Variants in GPR179 observed in about 807,000 individuals in gnomAD.
GPR179 encodes probable G protein-coupled receptor 179.
GPR179 carries 52 observed loss-of-function variants against 70.8 expected under a neutral mutation model. The observed-to-expected ratio is 0.73, with a 90% CI of 0.59 to 0.93. The LOEUF (loss-of-function observed/expected upper bound fraction) is 0.93. GPR179 is among the 40% of genes least tolerant of loss of function. The pLI is 0.00. For synonymous variants in GPR179, 1,123 were observed against 1,169.0 expected (o/e 0.96, Z 0.80); for missense variants, 2,734 against 2,966.8 (o/e 0.92, Z 1.82).
Position 38,334,763 on chromosome 17 carries a change from G to A in GPR179, c.1725C>T (p.Arg575=), listed in dbSNP as rs2037388154. The A allele has an allele frequency of 3.7e-6, 6 of 1,613,820 alleles. No individual in the cohort carries two copies. The highest frequency in any genetic ancestry group is 5.1e-6 in the Non-Finnish European group (6 of 1,179,968). Residue 575 remains arginine (R), a synonymous_variant, in exon 8 of 11, where the codon CGC becomes CGT. Coordinates refer to ENST00000616987, the MANE Select transcript of GPR179 (RefSeq NM_001004334.4). This position sits in a 1 kb window ranked among gnomAD's most constrained non-coding sequence, Gnocchi z 4.7. ...CATTGTGCAGGGCGATGCCCATGTA[G>A]CGTGGCTCATGGAAGGCCGAGAGCA... ...RAVLSAFHEP[R]YMGIALHNEL... is the part of the protein sequence containing the mutation.
intron 9 of GPR179, 27 bp downstream of exon 9, chr17:38,333,906 C>G: frequency 6.4e-7 from 1 of 1,563,926 alleles, no homozygotes; most frequent in Non-Finnish European, 8.8e-7. Flanking sequence ...TGGGGTCCAC[C>G]TCACAGGCAG....
intron 3 of GPR179, 143 bp downstream of exon 3, chr17:38,337,490 C>T (rs1189900592): frequency 1.3e-6 from 1 of 752,568 alleles, no homozygotes; most frequent in Non-Finnish European, 2.2e-6. Context: ...CTGCTTGCCT[C>T]TCCTGCCTCT....
rs75688084 is a variant in GPR179, at chr17:38,343,145, C to T, written c.645G>A (p.Pro215=). 1,799 of 1,614,146 alleles carry T rather than the reference C, an allele frequency of 1.1e-3. 17 individuals are homozygous for T. In the African/African-American group the frequency reaches 0.022, roughly 20 times the overall value. Residue 215 remains proline, a synonymous_variant, in exon 1 of 11, where the codon CCG becomes CCA. Coordinates refer to ENST00000616987, the MANE Select transcript of GPR179 (RefSeq NM_001004334.4). This position sits in a 1 kb window ranked among gnomAD's most constrained non-coding sequence, Gnocchi z 4.2. ...TGTCCCCCACATATCCATCTGCCTG[C>T]GGCCACTTGGGGCTGCCGAGGCTCC... ...DLGSLGSPKW[P]QADGYVGDTQ...
At chr17:38,332,237 C>G (rs763482877) in intron 10 of GPR179, among the ~76,000 whole-genome samples, 5 of 152,048 alleles carry the variant, frequency 3.3e-5, no homozygotes, top group Non-Finnish European at 7.4e-5. Flanking sequence ...GCTTTGTGGG[C>G]CTGTAAACAA....
In GPR179 at chr17:38,326,818, A is replaced by T; in HGVS notation, c.6751T>A (p.Ser2251Thr). ...ICPGEETGVP[S>T]EESGLLALTA... ...AAAGCCAGGAGGCCAGATTCCTCAG[A>T]TGGGACTCCAGTTTCCTCCCCAGGA... is the stretch of plus-strand genomic sequence containing the variant. The change falls in exon 11 of 11, where the codon TCT becomes ACT. Residue 2251 changes from serine to threonine, a missense_variant. Ser to Thr is a moderately conservative substitution (Grantham distance 58). Transcript: ENST00000616987. 1 of 1,614,196 alleles carries T rather than the reference A, an allele frequency of 6.2e-7. No homozygotes were observed. The highest frequency in any genetic ancestry group is 8.5e-7 in the Non-Finnish European group (1 of 1,180,024).
Position 38,329,850 on chromosome 17 carries a change from A to G in GPR179, c.3719T>C (p.Val1240Ala), listed in dbSNP as rs1254031861. ...LQSLGSADHR[V>A]AEVCPWEVTE... is the part of the protein sequence containing the mutation. ...GACCTCCCAGGGGCATACCTCTGCC[A>G]CCCTGTGGTCAGCGCTGCCCAGGGA... Residue 1240 changes from valine (V) to alanine (A), a missense_variant, in exon 11 of 11, where the codon GTG (valine) becomes GCG (alanine). Coordinates refer to ENST00000616987, the MANE Select transcript of GPR179 (RefSeq NM_001004334.4). 3 of 1,613,706 alleles carry G rather than the reference A, an allele frequency of 1.9e-6. No homozygotes were observed. In the African/African-American group the frequency reaches 4.0e-5, roughly 22 times the overall value.
rs1298199819 is a variant in GPR179, at chr17:38,326,918, C to T, written c.6651G>A (p.Arg2217=). 1 of 1,614,068 alleles carries T rather than the reference C, an allele frequency of 6.2e-7. No homozygotes were observed. Among genetic ancestry groups the T allele is most frequent in the Non-Finnish European group, 8.5e-7 (1 of 1,180,046 alleles). ...TTTCCCATTGGCACAGCTCTGCCAT[C>T]CTGCTTCCCATGCTGCCTGCTTCCT... is the stretch of plus-strand genomic sequence containing the variant. The part of the protein sequence containing the change: ...SPKEAGSMGS[R]MAELCQWEIT... Residue 2217 remains arginine (R), a synonymous_variant, in exon 11 of 11, where the codon AGG becomes AGA. Transcript: ENST00000616987.
chr17:38,326,846 G>A lies in GPR179; in HGVS notation c.6723C>T (p.Ile2241=), dbSNP rs750137958. 3.9e-5 allele frequency: 63 copies of A among 1,614,120 alleles called. No homozygotes were observed. The highest frequency in any genetic ancestry group is 4.7e-5 in the Non-Finnish European group (56 of 1,180,046). The change falls in exon 11 of 11, where the codon ATC becomes ATT. Residue 2241 remains isoleucine, a synonymous_variant. Transcript: ENST00000616987. ...GGACTCCAGTTTCCTCCCCAGGACA[G>A]ATGTCTGCCATGGTACCCTTTATTT... is the stretch of plus-strand genomic sequence containing the variant. The part of the protein sequence containing the change: ...GNKIKGTMAD[I]CPGEETGVPS...
rs773688639 is a variant in GPR179 at position 38,330,728 on chromosome 17, G to T, written c.2841C>A (p.Gly947=). 60 of 1,587,498 alleles carry T rather than the reference G, an allele frequency of 3.8e-5. No homozygotes were observed. Among genetic ancestry groups the T allele is most frequent in the Non-Finnish European group, 5.2e-5 (60 of 1,164,618 alleles). Residue 947 remains glycine (G), a synonymous_variant, in exon 11 of 11, where the codon GGC becomes GGA. Transcript: ENST00000616987. ...GAGATAGCATCCTTGGCTCTCCCAG[G>T]CCCCCAGACAGGGCCAAGATGGGGG... The part of the protein sequence containing the change: ...VSTPILALSG[G]LGEPRMLSPT...
chr17:38,330,206 C>G lies in GPR179; in HGVS notation c.3363G>C (p.Glu1121Asp), dbSNP rs2037339601. The change falls in exon 11 of 11, where the codon GAG becomes GAC. Residue 1121 changes from glutamate (E) to aspartate (D), a missense_variant. Glu to Asp is a conservative substitution (Grantham distance 45, BLOSUM62 2). Transcript: ENST00000616987. ...PEGQNSGTAG[E>D]SMGAPSRSPR... Reference sequence around the variant, plus strand: ...GCGATCGGGAGGGTGCCCCCATACTCTCTCCCGCAGTCCCGCTGTTCTGCC... The same window carrying G: ...GCGATCGGGAGGGTGCCCCCATACTGTCTCCCGCAGTCCCGCTGTTCTGCC... 1 of 1,569,616 alleles carries G rather than the reference C, an allele frequency of 6.4e-7. No homozygotes were observed.
In GPR179 at chr17:38,329,916, G is replaced by T. The variant is rs1404190600; in HGVS notation, c.3653C>A (p.Thr1218Asn). 2 of 1,614,236 alleles carry T rather than the reference G, an allele frequency of 1.2e-6. No homozygotes were observed. Among genetic ancestry groups the T allele is most frequent in the Admixed American group, 1.7e-5 (1 of 60,030 alleles). Residue 1218 changes from threonine to asparagine, a missense_variant, in exon 11 of 11, where the codon ACC becomes AAC. Coordinates refer to ENST00000616987, the MANE Select transcript of GPR179 (RefSeq NM_001004334.4). Reference sequence around the variant, plus strand: ...GGGCAGTTCCTGCCACCCGACAGGGGTTTCTTTTGATTGCTTGATGTTTTT... The same window carrying T: ...GGGCAGTTCCTGCCACCCGACAGGGTTTTCTTTTGATTGCTTGATGTTTTT... ...RDKNIKQSKETPVGWQELPKA... is the reference protein window; with the variant it reads ...RDKNIKQSKENPVGWQELPKA...
intron 9 of GPR179, 134 bp from the exon 10 acceptor site, chr17:38,333,531 CT>C: frequency 1.0e-6 from 1 of 967,574 alleles, no homozygotes; most frequent in Non-Finnish European, 1.5e-6. Flanking sequence ...TTCTGGGGAT[CT>C]TTAGAGTTTT....
rs2144270838 is a variant in GPR179 at position 38,335,618 on chromosome 17, T to C, written c.1379A>G (p.Tyr460Cys). Reference sequence around the variant, plus strand: ...GTAAAGCTTGAGTATGATGGTGCCGTAGACGATGGCAAAACCCAGCAGCCG... The same window carrying C: ...GTAAAGCTTGAGTATGATGGTGCCGCAGACGATGGCAAAACCCAGCAGCCG... ...WVRLLGFAIV[Y>C]GTIILKLYRV... The change falls in exon 6 of 11, where the codon TAC (tyrosine) becomes TGC (cysteine). Residue 460 changes from tyrosine to cysteine, a missense_variant. Transcript: ENST00000616987. The C allele has an allele frequency of 1.2e-6, 2 of 1,613,834 alleles. No individual in the cohort carries two copies. The highest frequency in any genetic ancestry group is 2.2e-5 in the East Asian group (1 of 44,870).
In GPR179 at chr17:38,331,156, C is replaced by T. The variant is rs199619898; in HGVS notation, c.2413G>A (p.Glu805Lys). ...AGGGCAGGGGGCCCCTCCACCGACT[C>T]CCGGCTCTCTGTTCGAGAGGCCTTC... ...AKKASRTESR[E>K]SVEGPPALGF... is the part of the protein sequence containing the mutation. Residue 805 changes from glutamate to lysine, a missense_variant, in exon 11 of 11, where the codon GAG (glutamate) becomes AAG (lysine). Coordinates refer to ENST00000616987, the MANE Select transcript of GPR179 (RefSeq NM_001004334.4). 2.2e-5 allele frequency: 36 copies of T among 1,607,430 alleles called. No homozygotes were observed. The highest frequency in any genetic ancestry group is 3.1e-5 in the Non-Finnish European group (36 of 1,179,650).
At chr17:38,336,185 G>T (rs199965175) in intron 4 of GPR179, 41 bp from the exon 5 acceptor site, 23 of 1,381,030 alleles carry the variant, frequency 1.7e-5, no homozygotes, top group African/African-American at 4.3e-5. Flanking sequence ...GAGTCTGGAC[G>T]ATGGTTCTAG....
rs1379742368 is a variant in GPR179, at chr17:38,329,508, T to C, written c.4061A>G (p.Glu1354Gly). The C allele has an allele frequency of 1.2e-6, 2 of 1,614,028 alleles. No individual in the cohort carries two copies. Among genetic ancestry groups the C allele is most frequent in the South Asian group, 2.2e-5 (2 of 91,082 alleles). Residue 1354 changes from glutamate to glycine, a missense_variant, in exon 11 of 11, where the codon GAG becomes GGG. Coordinates refer to ENST00000616987, the MANE Select transcript of GPR179 (RefSeq NM_001004334.4). ...CCCAGGCTTCTCCACCTTCCTGGCCTCCACACTGTCCCCCGCCTCAGATTT... is the reference window on the plus strand; with the variant it reads ...CCCAGGCTTCTCCACCTTCCTGGCCCCCACACTGTCCCCCGCCTCAGATTT... ...RDKSEAGDSV[E>G]ARKVEKPGWE...
intron 10 of GPR179, among the ~76,000 whole-genome samples, 166 bp from the exon 11 acceptor site, chr17:38,331,697 T>C (rs1425002512): frequency 6.6e-6 from 1 of 152,232 alleles, no homozygotes; most frequent in Non-Finnish European, 1.5e-5. Context: ...TCTTTGTTCC[T>C]GTGAGACCAG....
At position 38,334,882 on chromosome 17, in the gene GPR179, A is replaced by G. The variant is rs768661915; in HGVS notation, c.1646-40T>C. The G allele has an allele frequency of 7.5e-6, 12 of 1,607,020 alleles. No individual in the cohort carries two copies. In the South Asian group the frequency reaches 1.3e-4, roughly 18 times the overall value. ...GGAGGGAGAGAGCCGGCACCACCTC[A>G]GCAGCTGTCCCACCCCTTTCTCTGA... is the stretch of plus-strand genomic sequence containing the variant. On this transcript the variant is annotated intron_variant, in intron 7 of 10. Transcript: ENST00000616987. This position sits in a 1 kb window ranked among gnomAD's most constrained non-coding sequence, Gnocchi z 4.7.
rs775219812 is a variant in GPR179, at chr17:38,326,167, G to A, written c.*298C>T. 14 of 351,878 alleles carry A rather than the reference G, an allele frequency of 4.0e-5. No homozygotes were observed. The highest frequency in any genetic ancestry group is 1.3e-4 in the African/African-American group (6 of 47,954). The allele number at this position is 351,878 out of a possible 1,614,324, so 21.8% of individuals were successfully genotyped here. On this transcript the variant is annotated 3_prime_UTR_variant, in exon 11 of 11. Coordinates refer to ENST00000616987, the MANE Select transcript of GPR179 (RefSeq NM_001004334.4). ...TGTGGGTGAGTGTCCAGACTCGGGTGGTTTGTGTTGTGAGTACTGTAGGTG... is the reference window on the plus strand; with the variant it reads ...TGTGGGTGAGTGTCCAGACTCGGGTAGTTTGTGTTGTGAGTACTGTAGGTG...
Sources: gnomAD v4.1 joint callset for allele counts (sites outside exome capture counted in the v4.1 genomes callset) on GRCh38, gnomAD v4.1.1 for gene constraint, Gnocchi (gnomAD v3.1) non-coding constraint, MANE v1.5 for transcripts, NCBI Gene and HGNC (gene_info 2026-07-23, HGNC 2026-07-21) for gene names.